STXBP4: variants seen among roughly 807,000 people sequenced by gnomAD.
STXBP4 encodes syntaxin-binding protein 4.
STXBP4 carries 55 observed loss-of-function variants against 76.1 expected under a neutral mutation model. The observed-to-expected ratio is 0.72, with a 90% confidence interval of 0.58 to 0.91. The LOEUF is 0.91. STXBP4 is among the 40% of genes least tolerant of loss of function. The pLI is 0.00. For missense variants in STXBP4, 618 were observed against 636.9 expected (o/e 0.97, Z 0.32); for synonymous variants, 201 against 220.2 (o/e 0.91, Z 0.77).
chr17:54,997,524 TTA>T (rs35813449), intron 4 of STXBP4, among the ~76,000 whole-genome samples: 33,650 of 145,960 alleles, frequency 0.23, 4,380 homozygotes, highest in South Asian at 0.31. Context: ...TTTTTTTAAA[TTA>T]TATATATAAC....
At chr17:55,026,097 T>C (rs553335479) in intron 8 of STXBP4, among the ~76,000 whole-genome samples, 1 of 152,128 alleles carries the variant, frequency 6.6e-6, no homozygotes, top group East Asian at 1.9e-4. Flanking sequence ...CAAACCATCA[T>C]TGAAAGAAAT....
intron 12 of STXBP4, among the ~76,000 whole-genome samples, chr17:55,057,136 A>T (rs2078935101): frequency 6.6e-6 from 1 of 152,180 alleles, no homozygotes; most frequent in Non-Finnish European, 1.5e-5. Flanking sequence ...ACATGCACTG[A>T]TATTAGTGAG....
intron 1 of STXBP4, among the ~76,000 whole-genome samples, chr17:54,978,649 A>G (rs1348089606): frequency 6.6e-6 from 1 of 152,190 alleles, no homozygotes; most frequent in Non-Finnish European, 1.5e-5. Flanking sequence ...TTTAGATGCC[A>G]AGAAGGTACA....
chr17:55,034,406 C>A, intron 10 of STXBP4, 147 bp downstream of exon 10: 1 of 516,634 alleles, frequency 1.9e-6, no homozygotes, highest in Non-Finnish European at 3.2e-6. Flanking sequence ...AATTTAAAAT[C>A]AAAAGTAAAA....
Position 54,999,549 on chromosome 17 carries a change from T to A in STXBP4, c.288-83T>A, listed in dbSNP as rs1418355234. On this transcript the variant is annotated intron_variant, in intron 5 of 17. Coordinates refer to ENST00000376352, the MANE Select transcript of STXBP4 (RefSeq NM_178509.6). ...TAAGTACTTTATAATAAGTATTTTTTAATAACATCTGAAACATTATCTTGG... is the reference window on the plus strand; with the variant it reads ...TAAGTACTTTATAATAAGTATTTTTAAATAACATCTGAAACATTATCTTGG... 2.1e-6 allele frequency: 3 copies of A among 1,452,704 alleles called. No homozygotes were observed. In the East Asian group the frequency reaches 7.2e-5, roughly 35 times the overall value. 90.0% of individuals were successfully genotyped at this position (1,452,704 alleles called of 1,614,324 possible).
intron 10 of STXBP4, among the ~76,000 whole-genome samples, chr17:55,034,484 G>A (rs1416962044): frequency 6.6e-6 from 1 of 152,052 alleles, no homozygotes; most frequent in Non-Finnish European, 1.5e-5. Context: ...AAGTTTACCA[G>A]TATTGACAAT....
At position 55,159,869 on chromosome 17, in the gene STXBP4, T is replaced by C. The variant is rs535955789; in HGVS notation, c.1620T>C (p.Asn540=). Reference sequence around the variant, plus strand: ...TGAATCTATCTCGCTCAGAGGAGAATGAAGAGGATTGCTCTAGAGAACTCC... The same window carrying C: ...TGAATCTATCTCGCTCAGAGGAGAACGAAGAGGATTGCTCTAGAGAACTCC... The part of the protein sequence containing the change: ...SVLNLSRSEE[N]EEDCSRELPN... The change falls in exon 18 of 18, where the codon AAT becomes AAC. Residue 540 remains asparagine, a synonymous_variant. Coordinates refer to ENST00000376352, the MANE Select transcript of STXBP4 (RefSeq NM_178509.6). 12 of 1,614,002 alleles carry C rather than the reference T, an allele frequency of 7.4e-6. No homozygotes were observed. In the East Asian group the frequency reaches 2.7e-4, roughly 36 times the overall value.
chr17:55,086,904 T>C (rs991644613), intron 16 of STXBP4, among the ~76,000 whole-genome samples: 2 of 152,182 alleles, frequency 1.3e-5, no homozygotes, highest in African/African-American at 4.8e-5. Flanking sequence ...GGTTCCCTTT[T>C]CTCTGCATCT....
At chr17:55,045,085 T>C (rs1396899524) in intron 11 of STXBP4, among the ~76,000 whole-genome samples, 1 of 152,150 alleles carries the variant, frequency 6.6e-6, no homozygotes, top group African/African-American at 2.4e-5. Context: ...AGAATGAATG[T>C]CTGAAAATAT....
At chr17:55,018,548 T>A (rs1056158527) in intron 8 of STXBP4, among the ~76,000 whole-genome samples, 1 of 152,214 alleles carries the variant, frequency 6.6e-6, no homozygotes, top group Non-Finnish European at 1.5e-5. Flanking sequence ...TGCATCCGTG[T>A]GAAGAGACCA....
chr17:55,093,083 C>A (rs2079438990), intron 16 of STXBP4, among the ~76,000 whole-genome samples: 1 of 152,076 alleles, frequency 6.6e-6, no homozygotes, highest in South Asian at 2.1e-4. Flanking sequence ...CAACCTCTGC[C>A]TCCTGGGTTC....
chr17:55,210,696 T>A, the STXBP4 span, among the ~76,000 whole-genome samples: 1 of 152,212 alleles, frequency 6.6e-6, no homozygotes, highest in Non-Finnish European at 1.5e-5. Context: ...TATTTCCTTC[T>A]AATATTTTTA....
At chr17:55,115,807 G>A (rs1598326505) in intron 16 of STXBP4, among the ~76,000 whole-genome samples, 1 of 151,854 alleles carries the variant, frequency 6.6e-6, no homozygotes, top group African/African-American at 2.4e-5. Context: ...AGGAACATTT[G>A]TTATGATACA....
chr17:55,043,845 C>G, intron 11 of STXBP4: 2 of 568,800 alleles, frequency 3.5e-6, no homozygotes, highest in Non-Finnish European at 5.9e-6. Flanking sequence ...TTTTTTGATT[C>G]TTGTTTTTGT....
chr17:55,181,007 A>G, the STXBP4 span, among the ~76,000 whole-genome samples: 79 of 152,336 alleles, frequency 5.2e-4, no homozygotes, highest in African/African-American at 1.7e-3. Flanking sequence ...GTATACTTCA[A>G]TTCACTAACA....
Position 55,081,184 on chromosome 17 carries a change from G to A in STXBP4, c.1489+1G>A, listed in dbSNP as rs1567752939. On this transcript the variant is annotated splice_donor_variant, in intron 16 of 17. Coordinates refer to ENST00000376352, the MANE Select transcript of STXBP4 (RefSeq NM_178509.6). LOFTEE classifies it high-confidence loss of function. ...GTTCGTGCCTTACTTGATATGGATT[G>A]TAAGTTTTCTGCATTTTTTCACTTT... is the stretch of plus-strand genomic sequence containing the variant. The A allele has an allele frequency of 1.4e-6, 2 of 1,456,740 alleles. No homozygotes were observed. Among genetic ancestry groups the A allele is most frequent in the South Asian group, 2.9e-5 (2 of 68,486 alleles). The allele number at this position is 1,456,740 out of a possible 1,614,324, so 90.2% of individuals were successfully genotyped here.
At chr17:55,128,107 C>T (rs2079932236) in intron 16 of STXBP4, among the ~76,000 whole-genome samples, 1 of 152,152 alleles carries the variant, frequency 6.6e-6, no homozygotes. Flanking sequence ...AGTAAAATTT[C>T]AAATATGTGC....
chr17:55,095,080 T>C (rs2079467560), intron 16 of STXBP4, among the ~76,000 whole-genome samples: 1 of 152,182 alleles, frequency 6.6e-6, no homozygotes, highest in African/African-American at 2.4e-5. Flanking sequence ...GTCAAGGGGA[T>C]TGCAGGATGT....
chr17:54,996,060 A>G (rs2077797060), intron 4 of STXBP4, among the ~76,000 whole-genome samples: 1 of 151,956 alleles, frequency 6.6e-6, no homozygotes, highest in Non-Finnish European at 1.5e-5. Flanking sequence ...GCAGATATGT[A>G]AACATAAGGA....
Sources: gnomAD v4.1 joint callset for allele counts (sites outside exome capture counted in the v4.1 genomes callset) on GRCh38, gnomAD v4.1.1 for gene constraint, MANE v1.5 for transcripts, NCBI Gene and HGNC (gene_info 2026-07-23, HGNC 2026-07-21) for gene names.